ZNF215: variants seen among roughly 807,000 people sequenced by gnomAD.
ZNF215 encodes BWSCR2-associated zinc finger protein 2.
A neutral mutation model predicts 27.2 loss-of-function variants in ZNF215; 24 were observed. The ratio of observed to expected loss-of-function variants is 0.88; its 90% CI spans 0.64 to 1.24. The LOEUF is 1.24. Ranked by LOEUF, ZNF215 falls within the 50% of genes most tolerant of loss-of-function variation. The probability of loss-of-function intolerance (pLI) is 0.00; values close to 1 mark genes in which losing one functional copy is unlikely to be tolerated. For missense variants in ZNF215, 675 were observed against 605.7 expected, an observed-to-expected ratio of 1.11 and a Z score of -1.20; for synonymous variants, 210 against 204.0, an observed-to-expected ratio of 1.03 and a Z score of -0.25.
At chr11:6,961,254 C>G (rs1263418984), downstream of ZNF215, among the ~76,000 whole-genome samples, 1 of 152,068 alleles carries the variant, frequency 6.6e-6, no homozygotes, top group African/African-American at 2.4e-5. Context: ...AGAATGCTTG[C>G]ATTTTTTTCT....
In ZNF215 at chr11:6,943,533, T is replaced by G; in HGVS notation, c.617-13T>G. Reference sequence around the variant, plus strand: ...TTTGTTGTTGTTGTTCTTTTTATTTTCTCCATGAACAGCACATCTACTTTC... The same window carrying G: ...TTTGTTGTTGTTGTTCTTTTTATTTGCTCCATGAACAGCACATCTACTTTC... On this transcript the variant is annotated splice_polypyrimidine_tract_variant and intron_variant, in intron 5 of 6. Transcript: ENST00000278319. 1.2e-6 allele frequency: 2 copies of G among 1,604,476 alleles called. No individual in the cohort carries two copies. The highest frequency in any genetic ancestry group is 2.2e-5 in the South Asian group (2 of 90,386).
At chr11:6,927,461 G>A (rs987951697) in intron 1 of ZNF215, among the ~76,000 whole-genome samples, 5 of 152,118 alleles carry the variant, frequency 3.3e-5, no homozygotes, top group African/African-American at 1.2e-4. Flanking sequence ...ATTAGCAGCT[G>A]TTCGAGTTCC....
At chr11:6,940,634 C>G (rs1312140030) in intron 3 of ZNF215, among the ~76,000 whole-genome samples, 1 of 152,082 alleles carries the variant, frequency 6.6e-6, no homozygotes, top group African/African-American at 2.4e-5. Context: ...AGTCCCTATG[C>G]AGTTGTTTAA....
chr11:6,944,013 C>A (rs1191260328), intron 6 of ZNF215, among the ~76,000 whole-genome samples: 1 of 152,184 alleles, frequency 6.6e-6, no homozygotes, highest in African/African-American at 2.4e-5. Flanking sequence ...TGGTGGCTCA[C>A]GCCTGTAATC....
At chr11:6,932,749 G>T in intron 3 of ZNF215, 77 bp downstream of exon 3, 1 of 1,408,002 alleles carries the variant, frequency 7.1e-7, no homozygotes, top group Non-Finnish European at 9.6e-7. Context: ...TTTGAGGCCA[G>T]AGAGTATCAA....
chr11:6,961,723 C>T (rs1222753718), downstream of ZNF215, among the ~76,000 whole-genome samples: 2 of 152,100 alleles, frequency 1.3e-5, no homozygotes, highest in Non-Finnish European at 2.9e-5. Context: ...TGCTCTTCTT[C>T]CATATGTTCA....
In ZNF215 at chr11:6,956,887, G is replaced by A. The variant is rs1850381378; in HGVS notation, c.*356G>A. The stretch of plus-strand genomic sequence containing the variant: ...GATTTATTGACGAAGTAGACATTAG[G>A]CAAAGCCAAACAATACTCTTGGAGT... On this transcript the variant is annotated 3_prime_UTR_variant, in exon 7 of 7. Coordinates refer to ENST00000278319, the MANE Select transcript of ZNF215 (RefSeq NM_013250.4). 2.0e-6 allele frequency: 2 copies of A among 1,004,820 alleles called. No individual in the cohort carries two copies. The highest frequency in any genetic ancestry group is 2.4e-6 in the Non-Finnish European group (2 of 842,086). 62.2% of individuals were successfully genotyped at this position (1,004,820 alleles called of 1,614,324 possible).
Position 6,956,245 on chromosome 11 carries a change from C to T in ZNF215, c.1268C>T (p.Thr423Ile), listed in dbSNP as rs753963457. ...TTCTTCAACCGACGTACAAACCTTA[C>T]TAAGCATCAAAAACTTCATGCTGAA... ...GRFFNRRTNL[T>I]KHQKLHAEAK... Residue 423 changes from threonine (T) to isoleucine (I), a missense_variant, in exon 7 of 7, where the codon ACT becomes ATT. Coordinates refer to ENST00000278319, the MANE Select transcript of ZNF215 (RefSeq NM_013250.4). 6 of 1,613,824 alleles carry T rather than the reference C, an allele frequency of 3.7e-6. No homozygotes were observed. The South Asian group carries it at 6.6e-5, about 18-fold the overall frequency.
At position 6,941,648 on chromosome 11, in the gene ZNF215, C is replaced by T. The variant is rs141940336; in HGVS notation, c.478C>T (p.Pro160Ser). 3.2e-4 allele frequency: 514 copies of T among 1,613,812 alleles called. 8 individuals are homozygous for T. The highest frequency in any genetic ancestry group is 3.0e-4 in the Non-Finnish European group (350 of 1,179,872). Reference protein sequence around the residue: ...KMKAGSRTGKPQEPVTFKDVV... With the variant: ...KMKAGSRTGKSQEPVTFKDVV... ...GAAAGCTGGCTCACGAACAGGCAAA[C>T]CACAGGTGAATTAGGATTCTAGTCT... The change falls in exon 4 of 7, where the codon CCA becomes TCA. Residue 160 changes from proline to serine, a missense_variant. Transcript: ENST00000278319.
At chr11:6,986,848 A>G (rs1156772104), downstream of ZNF215, among the ~76,000 whole-genome samples, 1 of 152,096 alleles carries the variant, frequency 6.6e-6, no homozygotes, top group Non-Finnish European at 1.5e-5. Context: ...GTCAAAAACA[A>G]AAACAAAAAC....
chr11:6,977,940 T>C (rs1034510752), intron 5 of ZNF215, among the ~76,000 whole-genome samples: 2 of 152,022 alleles, frequency 1.3e-5, no homozygotes, highest in African/African-American at 4.8e-5. Context: ...GGGACACATC[T>C]AAGTCACAGC....
At position 6,957,983 on chromosome 11, in the gene ZNF215, C is replaced by T. The variant is rs1057155976; in HGVS notation, c.*1452C>T. The T allele has an allele frequency of 4.1e-6, 4 of 985,200 alleles. No individual in the cohort carries two copies. Among genetic ancestry groups the T allele is most frequent in the Non-Finnish European group, 4.8e-6 (4 of 829,928 alleles). 61.0% of individuals were successfully genotyped at this position (985,200 alleles called of 1,614,324 possible). ...TGGTAGCTTTTTGTGAAGGTTCATA[C>T]CTTATTCAAAGGCAGAAAAGGTATA... is the stretch of plus-strand genomic sequence containing the variant. On this transcript the variant is annotated 3_prime_UTR_variant, in exon 7 of 7. Coordinates refer to ENST00000278319, the MANE Select transcript of ZNF215 (RefSeq NM_013250.4).
chr11:6,932,644 A>G lies in ZNF215; in HGVS notation c.372A>G (p.Glu124=). The change falls in exon 3 of 7, where the codon GAA becomes GAG. Residue 124 remains glutamate (E), a synonymous_variant. Coordinates refer to ENST00000278319, the MANE Select transcript of ZNF215 (RefSeq NM_013250.4). The part of the protein sequence containing the change: ...NNSKDMVTLI[E]DVIEMLEDED... ...GTAAAGATATGGTGACCCTCATAGA[A>G]GATGTGATTGAAATGCTTGAAGATG... 2.5e-6 allele frequency: 4 copies of G among 1,611,486 alleles called. No individual in the cohort carries two copies. Among genetic ancestry groups the G allele is most frequent in the Non-Finnish European group, 3.4e-6 (4 of 1,178,548 alleles).
At chr11:6,952,930 G>A (rs1850139731) in intron 6 of ZNF215, among the ~76,000 whole-genome samples, 1 of 151,890 alleles carries the variant, frequency 6.6e-6, no homozygotes, top group Non-Finnish European at 1.5e-5. Context: ...GGCAGGCCTG[G>A]TGGTGACAAA....
At chr11:6,983,213 AGTT>A (rs1318878287) in intron 5 of ZNF215, among the ~76,000 whole-genome samples, 2 of 152,224 alleles carry the variant, frequency 1.3e-5, no homozygotes, top group East Asian at 3.8e-4. Flanking sequence ...ATCAGGAAGA[AGTT>A]GACTCTCTGA....
At chr11:6,959,874 T>G (rs1053366912), downstream of ZNF215, among the ~76,000 whole-genome samples, 23 of 151,356 alleles carry the variant, frequency 1.5e-4, no homozygotes, top group Admixed American at 1.1e-3. Flanking sequence ...TGTTTATAAC[T>G]AGACCTAGGT....
chr11:6,991,358 T>G (rs913394049), downstream of ZNF215, among the ~76,000 whole-genome samples: 3 of 152,200 alleles, frequency 2.0e-5, 1 homozygote, highest in Middle Eastern at 6.3e-3. Flanking sequence ...CTGGACACCC[T>G]CCCTGCCTCT....
At chr11:6,961,400 G>A (rs1564969813), downstream of ZNF215, among the ~76,000 whole-genome samples, 1 of 152,060 alleles carries the variant, frequency 6.6e-6, no homozygotes, top group African/African-American at 2.4e-5. Flanking sequence ...CTTTAATGGA[G>A]AGAAGGTCTG....
chr11:6,972,069 C>A (rs761740433), intron 5 of ZNF215, among the ~76,000 whole-genome samples: 28 of 152,066 alleles, frequency 1.8e-4, no homozygotes, highest in Non-Finnish European at 2.9e-4. Context: ...CTTCCCAAGA[C>A]TACTCATCTA....
Sources: gnomAD v4.1 joint callset for allele counts (sites outside exome capture counted in the v4.1 genomes callset) on GRCh38, gnomAD v4.1.1 for gene constraint, MANE v1.5 for transcripts, NCBI Gene and HGNC (gene_info 2026-07-23, HGNC 2026-07-21) for gene names.